Variants in SLC46A3 observed in about 807,000 individuals in gnomAD.
SLC46A3 encodes solute carrier family 46 member 3, also known as lysosomal proton-coupled steroid conjugate and bile acid symporter SLC46A3.
Under a neutral mutation model 38.5 loss-of-function variants are expected in SLC46A3, and 26 were observed. That is an observed-to-expected ratio of 0.68 (90% CI 0.49 to 0.94). The LOEUF (loss-of-function observed/expected upper bound fraction) is 0.94. Among genes scored for constraint, SLC46A3 ranks in the 40% least tolerant of loss-of-function variants. SLC46A3 has a pLI of 0.00. For missense variants in SLC46A3, 510 were observed against 544.3 expected, an observed-to-expected ratio of 0.94 and a Z score of 0.63; for synonymous variants, 185 against 192.5, an observed-to-expected ratio of 0.96 and a Z score of 0.32.
intron 3 of SLC46A3, among the ~76,000 whole-genome samples, chr13:28,712,161 T>G (rs1470372326): frequency 1.1e-4 from 16 of 152,220 alleles, no homozygotes; most frequent in Non-Finnish European, 2.9e-5. Context: ...AGGTAGGTAG[T>G]TAAGGAAGCA....
Position 28,703,983 on chromosome 13 carries a change from G to A in SLC46A3, c.1261C>T (p.Leu421=), listed in dbSNP as rs753507307. Residue 421 remains leucine (L), a synonymous_variant, in exon 5 of 6, where the codon CTG becomes TTG. Coordinates refer to ENST00000266943, the MANE Select transcript of SLC46A3 (RefSeq NM_181785.4). ...GGAAGTAGTAACAGACCAGCAGACA[G>A]CAGGAAAGTGAAGCCAGGGTACCAA... ...VAWYPGFTFL[L]SAGLLLLPAI... is the part of the protein sequence containing the mutation. 7.4e-6 allele frequency: 12 copies of A among 1,613,696 alleles called. No homozygotes were observed. Among genetic ancestry groups the A allele is most frequent in the African/African-American group, 1.3e-5 (1 of 74,862 alleles).
chr13:28,709,672 C>T (rs1885286538), intron 4 of SLC46A3, among the ~76,000 whole-genome samples: 1 of 152,330 alleles, frequency 6.6e-6, no homozygotes, highest in East Asian at 1.9e-4. Flanking sequence ...CTGCTCTGTG[C>T]TTTGGAGGCT....
intron 4 of SLC46A3, among the ~76,000 whole-genome samples, chr13:28,709,828 ACT>A: frequency 6.6e-6 from 1 of 152,102 alleles, no homozygotes; most frequent in South Asian, 2.1e-4. Context: ...GACAATGCCC[ACT>A]CTCTATAATG....
chr13:28,712,596 T>A, intron 3 of SLC46A3, 84 bp downstream of exon 3: 1 of 1,380,636 alleles, frequency 7.2e-7, no homozygotes, highest in Non-Finnish European at 9.6e-7. Context: ...GGCTTTAGAT[T>A]AAAGTTTCTC....
intron 5 of SLC46A3, among the ~76,000 whole-genome samples, chr13:28,703,457 C>A (rs1270513691): frequency 6.6e-6 from 1 of 152,068 alleles, no homozygotes; most frequent in Non-Finnish European, 1.5e-5. Context: ...GAACACAATC[C>A]TTCTTTTAGT....
chr13:28,714,476 C>T lies in SLC46A3; in HGVS notation c.190-926G>A, dbSNP rs572292021. 5.3e-4 allele frequency among the ~76,000 whole-genome samples: 81 copies of T among 151,890 alleles called. No individual in the cohort carries two copies. The South Asian group carries it at 0.013, about 25-fold the overall frequency. ...AAATTTAAAAAAACTAGGCCAGGCA[C>T]GGTGGCTCACGCCTGTAATCCTAGC... On this transcript the variant is annotated intron_variant, in intron 2 of 5. Coordinates refer to ENST00000266943, the MANE Select transcript of SLC46A3 (RefSeq NM_181785.4).
intron 4 of SLC46A3, among the ~76,000 whole-genome samples, chr13:28,706,909 A>G (rs945542296): frequency 6.6e-6 from 1 of 152,198 alleles, no homozygotes; most frequent in African/African-American, 2.4e-5. Flanking sequence ...AACAGGTGCT[A>G]GAGAGGATGT....
chr13:28,710,741 T>C lies in SLC46A3; in HGVS notation c.1144+19A>G. ...TGTAAAGATGGTAGATTCATATTTC[T>C]TAAGCAAATTAAACTCACCTTGTTC... On this transcript the variant is annotated intron_variant, in intron 4 of 5. Coordinates refer to ENST00000266943, the MANE Select transcript of SLC46A3 (RefSeq NM_181785.4). 6.4e-7 allele frequency: 1 copy of C among 1,574,732 alleles called. No homozygotes were observed.
rs777032494 is a variant in SLC46A3 at position 28,701,484 on chromosome 13, G to T, written c.*13C>A. 9 of 1,605,946 alleles carry T rather than the reference G, an allele frequency of 5.6e-6. No homozygotes were observed. The highest frequency in any genetic ancestry group is 3.5e-5 in the Admixed American group (2 of 57,960). On this transcript the variant is annotated 3_prime_UTR_variant, in exon 6 of 6. Coordinates refer to ENST00000266943, the MANE Select transcript of SLC46A3 (RefSeq NM_181785.4). ...GTGCATTCATAGATTTTTTTTGTTTGTTTAAATCACAGTCACCTGTCTGAA... is the reference window on the plus strand; with the variant it reads ...GTGCATTCATAGATTTTTTTTGTTTTTTTAAATCACAGTCACCTGTCTGAA...
Position 28,718,901 on chromosome 13 carries a change from C to A in SLC46A3, c.-430G>T, listed in dbSNP as rs1388430212. On this transcript the variant is annotated 5_prime_UTR_variant, in exon 1 of 6. Transcript: ENST00000266943. The stretch of plus-strand genomic sequence containing the variant: ...TGGACAATCGGCCAATCGGCGCCTC[C>A]GTCGGTCGGTCAGCGGCCCTGCCAG... 3 of 152,274 alleles carry A rather than the reference C, an allele frequency of 2.0e-5. No individual in the cohort carries two copies. Among genetic ancestry groups the A allele is most frequent in the African/African-American group, 2.4e-5 (1 of 41,472 alleles). 9.4% of individuals were successfully genotyped at this position (152,274 alleles called of 1,614,324 possible). A position where few individuals can be genotyped will look rare whatever the true frequency, so the allele number is the denominator to read the frequency against.
intron 5 of SLC46A3, chr13:28,703,716 C>A: frequency 3.1e-6 from 1 of 321,320 alleles, no homozygotes. Context: ...ATATGAAACA[C>A]TTCATGAATT....
chr13:28,713,572 A>G (rs1182721363), intron 2 of SLC46A3, 22 bp from the exon 3 acceptor site: 1 of 1,589,520 alleles, frequency 6.3e-7, no homozygotes, highest in Non-Finnish European at 8.6e-7. Flanking sequence ...TATAAAGAAG[A>G]CAATGTGTTT....
Position 28,713,144 on chromosome 13 carries a change from G to A in SLC46A3, c.596C>T (p.Ser199Leu), listed in dbSNP as rs201432125. Reference protein sequence around the residue: ...YFIRELGFEWSFLIIAVSLAV... With the variant: ...YFIRELGFEWLFLIIAVSLAV... The stretch of plus-strand genomic sequence containing the variant: ...AAGAGACACAGCAATAATTAGAAAC[G>A]ACCACTCAAAACCTAGCTCTCTAAT... The change falls in exon 3 of 6, where the codon TCG becomes TTG. Residue 199 changes from serine (S) to leucine (L), a missense_variant. Ser to Leu is a moderately radical substitution (Grantham distance 145). Transcript: ENST00000266943. 3 of 1,613,490 alleles carry A rather than the reference G, an allele frequency of 1.9e-6. No individual in the cohort carries two copies. Among genetic ancestry groups the A allele is most frequent in the African/African-American group, 2.7e-5 (2 of 74,808 alleles).
chr13:28,710,856 G>A lies in SLC46A3; in HGVS notation c.1061-13C>T. 6 of 1,604,064 alleles carry A rather than the reference G, an allele frequency of 3.7e-6. No individual in the cohort carries two copies. The highest frequency in any genetic ancestry group is 4.3e-6 in the Non-Finnish European group (5 of 1,172,568). On this transcript the variant is annotated splice_polypyrimidine_tract_variant and intron_variant, in intron 3 of 5. Transcript: ENST00000266943. ...AACGGCACCCTGGCTGTGAGAGAAA[G>A]GATTCAAAATCACTGGCTGATTCTG...
Position 28,703,967 on chromosome 13 carries a change from A to G in SLC46A3, c.1277T>C (p.Leu426Ser). 6.2e-7 allele frequency: 1 copy of G among 1,613,786 alleles called. No individual in the cohort carries two copies. Among genetic ancestry groups the G allele is most frequent in the Non-Finnish European group, 8.5e-7 (1 of 1,179,806 alleles). ...CCATAGACTGATGGCTGGAAGTAGT[A>G]ACAGACCAGCAGACAGCAGGAAAGT... The part of the protein sequence containing the change: ...GFTFLLSAGL[L>S]LLPAISLCVV... Residue 426 changes from leucine (L) to serine (S), a missense_variant, in exon 5 of 6, where the codon TTA becomes TCA. Physicochemically the swap from Leu to Ser is moderately radical, Grantham distance 145 (BLOSUM62 -2). Coordinates refer to ENST00000266943, the MANE Select transcript of SLC46A3 (RefSeq NM_181785.4).
Position 28,714,157 on chromosome 13 carries a change from A to AAAAAT in SLC46A3, c.190-608_190-607insATTTT, listed in dbSNP as rs1555260404. 7.7e-5 allele frequency among the ~76,000 whole-genome samples: 11 copies of AAAAAT among 143,060 alleles called. No individual in the cohort carries two copies. The East Asian group carries it at 1.0e-3, about 13-fold the overall frequency. 93.9% of individuals were successfully genotyped at this position (143,060 alleles called of 152,430 possible). A position where few individuals can be genotyped will look rare whatever the true frequency, so the allele number is the denominator to read the frequency against. On this transcript the variant is annotated intron_variant, in intron 2 of 5. Transcript: ENST00000266943. ...CAAAAAATACAAAAAAAAAAAAAAA[A>AAAAAT]AACCTTTATTTAGGGAGAGCTTGGC...
rs755561454 is a variant in SLC46A3 at position 28,701,523 on chromosome 13, ATTC to A, written c.1357_1359del (p.Glu453del). The stretch of plus-strand genomic sequence containing the variant: ...CACCTGTCTGAAGCATCTTCACTGG[ATTC>A]TTCTTGTATAAGAAGTTCATAGCTT... On this transcript the variant is annotated inframe_deletion, in exon 6 of 6. Transcript: ENST00000266943. 1 of 1,613,444 alleles carries A rather than the reference ATTC, an allele frequency of 6.2e-7. No individual in the cohort carries two copies. Among genetic ancestry groups the A allele is most frequent in the Non-Finnish European group, 8.5e-7 (1 of 1,179,538 alleles).
chr13:28,718,282 T>C (rs1199692048), intron 1 of SLC46A3, among the ~76,000 whole-genome samples: 1 of 152,234 alleles, frequency 6.6e-6, no homozygotes, highest in African/African-American at 2.4e-5. Flanking sequence ...TTTGAAATCA[T>C]AAACTGTCAC....
Position 28,713,559 on chromosome 13 carries a change from A to T in SLC46A3, c.190-9T>A, listed in dbSNP as rs1013045749. 19 of 1,596,672 alleles carry T rather than the reference A, an allele frequency of 1.2e-5. No individual in the cohort carries two copies. Among genetic ancestry groups the T allele is most frequent in the Non-Finnish European group, 1.6e-5 (19 of 1,170,132 alleles). ...ACTTTTTTCTGAACTTCCTGCAAAGAAATATAAAGAAGACAATGTGTTTAC... is the reference window on the plus strand; with the variant it reads ...ACTTTTTTCTGAACTTCCTGCAAAGTAATATAAAGAAGACAATGTGTTTAC... On this transcript the variant is annotated splice_polypyrimidine_tract_variant and intron_variant, in intron 2 of 5. Coordinates refer to ENST00000266943, the MANE Select transcript of SLC46A3 (RefSeq NM_181785.4).
Sources: gnomAD v4.1 joint callset for allele counts (sites outside exome capture counted in the v4.1 genomes callset) on GRCh38, gnomAD v4.1.1 for gene constraint, MANE v1.5 for transcripts, NCBI Gene and HGNC (gene_info 2026-07-23, HGNC 2026-07-21) for gene names.